ATP5MJ: variants seen among roughly 807,000 people sequenced by gnomAD.
The protein encoded by ATP5MJ is ATP synthase membrane subunit j, also known as ATP synthase F(0) complex subunit j, mitochondrial.
Under a neutral mutation model 8.3 loss-of-function variants are expected in ATP5MJ, and 4 were observed. The observed-to-expected ratio is 0.48, with a 90% CI of 0.24 to 1.11. The LOEUF is 1.11. Ranked by LOEUF, ATP5MJ falls within the 50% of genes least tolerant of loss-of-function variation. ATP5MJ has a pLI of 0.18. For synonymous variants in ATP5MJ, 23 were observed against 21.3 expected, an observed-to-expected ratio of 1.08 and a Z score of -0.23; for missense variants, 66 against 71.8, an observed-to-expected ratio of 0.92 and a Z score of 0.29.
intron 1 of ATP5MJ, 181 bp downstream of exon 1, chr14:103,921,289 C>T (rs1364313230): frequency 5.0e-6 from 2 of 399,076 alleles, no homozygotes; most frequent in Non-Finnish European, 9.2e-6. Flanking sequence ...CTAGGCGATG[C>T]TTCCCTCTGG....
intron 2 of ATP5MJ, chr14:103,914,745 T>G (rs1176220853): frequency 3.8e-6 from 2 of 529,022 alleles, no homozygotes; most frequent in Non-Finnish European, 6.5e-6. Context: ...GAGAATCACC[T>G]GAAATCACCT....
intron 1 of ATP5MJ, among the ~76,000 whole-genome samples, chr14:103,920,272 A>C (rs1269908183): frequency 1.4e-5 from 2 of 147,230 alleles, no homozygotes; most frequent in African/African-American, 5.0e-5. Flanking sequence ...AGCTGGGACT[A>C]CAGGCGCGTG....
rs1177200655 is a variant in ATP5MJ at position 103,912,345 on chromosome 14, C to T, written c.*321G>A. ...TTGAGCAGTAGAATACAAGTGAGTG[C>T]CTGGATCCTGATCACCAAGTCCTGT... On this transcript the variant is annotated 3_prime_UTR_variant, in exon 4 of 4. Coordinates refer to ENST00000286953, the MANE Select transcript of ATP5MJ (RefSeq NM_004894.3). 3.1e-6 allele frequency: 1 copy of T among 321,424 alleles called. No homozygotes were observed. Among genetic ancestry groups the T allele is most frequent in the East Asian group, 5.1e-5 (1 of 19,678 alleles). 19.9% of individuals were successfully genotyped at this position (321,424 alleles called of 1,614,324 possible).
chr14:103,914,849 A>AAAAAAAAAAAAAAAAAAAAC, intron 2 of ATP5MJ: 6 of 365,072 alleles, frequency 1.6e-5, no homozygotes, highest in Non-Finnish European at 2.3e-5. Flanking sequence ...AAAAAAAAAA[A>AAAAAAAAAAAAAAAAAAAAC]AAAAAAAAGA....
chr14:103,915,280 T>C, intron 1 of ATP5MJ, 91 bp from the exon 2 acceptor site: 1 of 1,444,722 alleles, frequency 6.9e-7, no homozygotes, highest in Admixed American at 1.8e-5. Flanking sequence ...TCAACCCCAT[T>C]TCCCATGACT....
chr14:103,918,641 T>C (rs748922314), intron 1 of ATP5MJ, among the ~76,000 whole-genome samples: 3 of 152,026 alleles, frequency 2.0e-5, no homozygotes, highest in Non-Finnish European at 4.4e-5. Context: ...ATTACAGGCG[T>C]GGGCCACCAG....
rs370479683 is a variant in ATP5MJ at position 103,914,837 on chromosome 14, C to CAAAAAGGAAAAA, written c.124+228_124+229insTTTTTCCTTTTT. 6.8e-5 allele frequency: 13 copies of CAAAAAGGAAAAA among 191,080 alleles called. 1 individual carries two copies. The highest frequency in any genetic ancestry group is 4.8e-4 in the East Asian group (4 of 8,390). The allele number at this position is 191,080 out of a possible 1,614,324, so 11.8% of individuals were successfully genotyped here. ...GGGCGTCAGAGTGAGAGACTGTCTC[C>CAAAAAGGAAAAA]AAAAAAAAAAAAAAAAAAAAGAAAA... On this transcript the variant is annotated intron_variant, in intron 2 of 3. Coordinates refer to ENST00000286953, the MANE Select transcript of ATP5MJ (RefSeq NM_004894.3).
rs377697097 is a variant in ATP5MJ at position 103,912,645 on chromosome 14, A to G, written c.*21T>C. The G allele has an allele frequency of 1.1e-5, 18 of 1,613,290 alleles. No individual in the cohort carries two copies. Among genetic ancestry groups the G allele is most frequent in the Non-Finnish European group, 1.4e-5 (16 of 1,179,450 alleles). ...CAGGCAGACTGACGTTTTCTTTCACATGTACTCCAAGTAAATCTGGTTAGT... is the reference window on the plus strand; with the variant it reads ...CAGGCAGACTGACGTTTTCTTTCACGTGTACTCCAAGTAAATCTGGTTAGT... On this transcript the variant is annotated 3_prime_UTR_variant, in exon 4 of 4. Transcript: ENST00000286953.
intron 2 of ATP5MJ, 54 bp from the exon 3 acceptor site, chr14:103,914,038 C>G: frequency 6.5e-7 from 1 of 1,529,368 alleles, no homozygotes; most frequent in South Asian, 1.2e-5. Flanking sequence ...TACAAAAATG[C>G]CTTTGTCAAA....
intron 1 of ATP5MJ, chr14:103,920,822 CA>C (rs2087671055): frequency 2.5e-6 from 2 of 812,544 alleles, no homozygotes; most frequent in Non-Finnish European, 4.2e-6. Context: ...CTGTGTGTGT[CA>C]GTTTTACAGC....
chr14:103,919,675 TA>T (rs1437204583), intron 1 of ATP5MJ, among the ~76,000 whole-genome samples: 2 of 152,242 alleles, frequency 1.3e-5, no homozygotes, highest in African/African-American at 4.8e-5. Flanking sequence ...GGCACCCTGG[TA>T]TGGTCTCCTT....
chr14:103,914,334 ATTT>A, intron 2 of ATP5MJ: 1 of 536,962 alleles, frequency 1.9e-6, no homozygotes, highest in East Asian at 2.9e-5. Context: ...TCCCCTCCAA[ATTT>A]TTTTACAAAC....
intron 1 of ATP5MJ, among the ~76,000 whole-genome samples, chr14:103,918,829 T>G (rs1000574277): frequency 1.3e-5 from 2 of 151,658 alleles, no homozygotes; most frequent in African/African-American, 4.8e-5. Flanking sequence ...AAGACCATCC[T>G]GGCTAACACG....
At chr14:103,919,383 T>TAAAA (rs34078178) in intron 1 of ATP5MJ, among the ~76,000 whole-genome samples, 1 of 130,214 alleles carries the variant, frequency 7.7e-6, no homozygotes, top group Non-Finnish European at 1.6e-5. Context: ...CCCTTTATCT[T>TAAAA]AAAAAAAAAA....
rs375097597 is a variant in ATP5MJ, at chr14:103,913,954, A to G, written c.148+7T>C. The G allele has an allele frequency of 3.1e-6, 5 of 1,612,506 alleles. No homozygotes were observed. Among genetic ancestry groups the G allele is most frequent in the Non-Finnish European group, 4.2e-6 (5 of 1,178,770 alleles). Reference sequence around the variant, plus strand: ...TTCCCAACCATTTTCAGAAGCAAAAATCTTACCTTTCAAAGCCTTACTTCT... The same window carrying G: ...TTCCCAACCATTTTCAGAAGCAAAAGTCTTACCTTTCAAAGCCTTACTTCT... On this transcript the variant is annotated splice_region_variant and intron_variant, in intron 3 of 3. Coordinates refer to ENST00000286953, the MANE Select transcript of ATP5MJ (RefSeq NM_004894.3).
chr14:103,919,273 C>G (rs926234862), intron 1 of ATP5MJ, among the ~76,000 whole-genome samples: 2 of 150,310 alleles, frequency 1.3e-5, no homozygotes, highest in Non-Finnish European at 3.0e-5. Flanking sequence ...CCCAGCTACT[C>G]GGGAGGCTGA....
Position 103,921,305 on chromosome 14 carries a change from G to C in ATP5MJ, c.-1+165C>G, listed in dbSNP as rs2273610. The stretch of plus-strand genomic sequence containing the variant: ...TAGGCGATGCTTCCCTCTGGCAACC[G>C]ACCCTGGCCTACCTCCCTTCAGAGA... On this transcript the variant is annotated intron_variant, in intron 1 of 3. Transcript: ENST00000286953. 90,607 of 343,938 alleles carry C rather than the reference G, an allele frequency of 0.26. 13,790 individuals carry two copies. Among genetic ancestry groups the C allele is most frequent in the South Asian group, 0.43 (10,069 of 23,340 alleles). The allele number at this position is 343,938 out of a possible 1,614,324, so 21.3% of individuals were successfully genotyped here. A position where few individuals can be genotyped will look rare whatever the true frequency, so the allele number is the denominator to read the frequency against.
In ATP5MJ at chr14:103,914,682, T is replaced by C. The variant is rs192317495; in HGVS notation, c.124+384A>G. 3.3e-4 allele frequency: 188 copies of C among 569,922 alleles called. No individual in the cohort carries two copies. The African/African-American group carries it at 3.3e-3, about 10-fold the overall frequency. The allele number at this position is 569,922 out of a possible 1,614,324, so 35.3% of individuals were successfully genotyped here. ...AAAAAATTAGCTAGGTGTGGTGGTGTTGGGCATAGTGACGGGCACCTGTGG... is the reference window on the plus strand; with the variant it reads ...AAAAAATTAGCTAGGTGTGGTGGTGCTGGGCATAGTGACGGGCACCTGTGG... On this transcript the variant is annotated intron_variant, in intron 2 of 3. Transcript: ENST00000286953.
chr14:103,915,031 C>T (rs2087613950), intron 2 of ATP5MJ, 35 bp downstream of exon 2: 2 of 1,612,610 alleles, frequency 1.2e-6, no homozygotes, highest in African/African-American at 2.7e-5. Context: ...AATTTTCTTC[C>T]TGACCTCAGA....
Sources: gnomAD v4.1 joint callset for allele counts (sites outside exome capture counted in the v4.1 genomes callset) on GRCh38, gnomAD v4.1.1 for gene constraint, MANE v1.5 for transcripts, NCBI Gene and HGNC (gene_info 2026-07-23, HGNC 2026-07-21) for gene names.